Variants in GPHN observed in about 807,000 individuals in gnomAD.
GPHN encodes gephyrin.
GPHN carries 17 observed loss-of-function variants against 95.5 expected under a neutral mutation model. The ratio of observed to expected loss-of-function variants is 0.18; its 90% CI spans 0.12 to 0.27. The LOEUF (loss-of-function observed/expected upper bound fraction) is 0.27, where lower values mean the gene tolerates loss of function less well. Ranked by LOEUF, GPHN falls within the 10% of genes least tolerant of loss-of-function variation. The probability of loss-of-function intolerance (pLI) is 1.00; values close to 1 mark genes in which losing one functional copy is unlikely to be tolerated. For synonymous variants in GPHN, 320 were observed against 322.5 expected (o/e 0.99, Z 0.08); for missense variants, 660 against 978.1 (o/e 0.67, Z 4.34).
the GPHN span, among the ~76,000 whole-genome samples, chr14:67,342,231 A>C: frequency 6.6e-6 from 1 of 151,116 alleles, no homozygotes; most frequent in South Asian, 2.1e-4. Context: ...AATAAAAAAA[A>C]ACACAAAGAA....
At chr14:66,591,628 A>G (rs2061653422) in intron 1 of GPHN, among the ~76,000 whole-genome samples, 1 of 152,226 alleles carries the variant, frequency 6.6e-6, no homozygotes, top group African/African-American at 2.4e-5. Context: ...AAGTACAACT[A>G]CAAACCACTG....
At chr14:66,812,371 G>T (rs961618749) in intron 3 of GPHN, among the ~76,000 whole-genome samples, 3 of 152,176 alleles carry the variant, frequency 2.0e-5, no homozygotes, top group Non-Finnish European at 4.4e-5. Flanking sequence ...ATCACTCAGT[G>T]TCCAGCATAT....
At chr14:67,126,583 A>G (rs2079332465) in intron 17 of GPHN, among the ~76,000 whole-genome samples, 1 of 152,222 alleles carries the variant, frequency 6.6e-6, no homozygotes, top group South Asian at 2.1e-4. Context: ...AGGTAAATTG[A>G]GTAGAAATTT....
chr14:66,696,723 A>G (rs562503468), intron 2 of GPHN, among the ~76,000 whole-genome samples: 1 of 152,236 alleles, frequency 6.6e-6, no homozygotes, highest in Admixed American at 6.5e-5. Context: ...AAGTACCCCA[A>G]TTTGTGGTCC....
At chr14:67,679,410 T>G in the GPHN span, among the ~76,000 whole-genome samples, 1 of 151,782 alleles carries the variant, frequency 6.6e-6, no homozygotes, top group East Asian at 1.9e-4. Context: ...CCAAGTTTTT[T>G]TTTTTTTTTT....
At chr14:66,629,385 T>C (rs2063696534) in intron 1 of GPHN, among the ~76,000 whole-genome samples, 1 of 151,692 alleles carries the variant, frequency 6.6e-6, no homozygotes, top group African/African-American at 2.4e-5. Context: ...TCAGTATCAC[T>C]GTCTTCCACC....
Position 67,179,631 on chromosome 14 carries a change from A to G in GPHN, c.2133A>G (p.Leu711=), listed in dbSNP as rs764919711. 3 of 1,608,614 alleles carry G rather than the reference A, an allele frequency of 1.9e-6. No homozygotes were observed. The highest frequency in any genetic ancestry group is 1.7e-4 in the Middle Eastern group (1 of 6,054). The change falls in exon 22 of 23, where the codon CTA becomes CTG. Residue 711 remains leucine (L), a synonymous_variant. Coordinates refer to ENST00000478722, the MANE Select transcript of GPHN (RefSeq NM_020806.5). ...GTCCAGAATACCATCGGTGTATACT[A>G]ACTTGGCATCACCAAGAACCACTAC... is the stretch of plus-strand genomic sequence containing the variant. ...DPRPEYHRCI[L]TWHHQEPLPW... is the part of the protein sequence containing the mutation.
chr14:66,736,402 CTTT>C (rs33964494), intron 2 of GPHN, among the ~76,000 whole-genome samples: 1 of 128,888 alleles, frequency 7.8e-6, no homozygotes. Context: ...TTTTTTTTTT[CTTT>C]TTTTTTTTTT....
chr14:66,859,542 C>G (rs931740454), intron 4 of GPHN, among the ~76,000 whole-genome samples: 1 of 152,170 alleles, frequency 6.6e-6, no homozygotes, highest in African/African-American at 2.4e-5. Flanking sequence ...CTAATAAATA[C>G]CTAACTCTTC....
chr14:66,829,471 T>A (rs1021699904), intron 4 of GPHN, among the ~76,000 whole-genome samples: 4 of 152,130 alleles, frequency 2.6e-5, no homozygotes, highest in African/African-American at 9.7e-5. Flanking sequence ...GTTCCACAGA[T>A]TATGAAACTC....
the GPHN span, chr14:67,201,661 A>C: frequency 2.5e-6 from 1 of 392,254 alleles, no homozygotes; most frequent in Non-Finnish European, 5.1e-6. Flanking sequence ...TCAGGATTTA[A>C]TCCCTGAGCT....
At chr14:67,607,475 TC>T in the GPHN span, among the ~76,000 whole-genome samples, 737 of 152,282 alleles carry the variant, frequency 4.8e-3, 35 homozygotes, top group East Asian at 0.082. Flanking sequence ...CAAGAGATTC[TC>T]CTACCTCAGC....
At chr14:66,663,056 G>A (rs1347972352) in intron 1 of GPHN, among the ~76,000 whole-genome samples, 2 of 152,170 alleles carry the variant, frequency 1.3e-5, no homozygotes, top group Non-Finnish European at 2.9e-5. Context: ...ATATATTTCA[G>A]GATATCTTCC....
chr14:67,707,868 A>G, the GPHN span, among the ~76,000 whole-genome samples: 1 of 152,074 alleles, frequency 6.6e-6, no homozygotes, highest in Non-Finnish European at 1.5e-5. Context: ...CAGATCAGGA[A>G]CCCTGTACAG....
chr14:66,591,084 A>G (rs979565350), intron 1 of GPHN, among the ~76,000 whole-genome samples: 2 of 152,246 alleles, frequency 1.3e-5, no homozygotes, highest in Admixed American at 1.3e-4. Flanking sequence ...GATGCAGAAA[A>G]GGCCTCCGAT....
At chr14:67,575,805 G>C in the GPHN span, 7 of 1,604,518 alleles carry the variant, frequency 4.4e-6, no homozygotes, top group Non-Finnish European at 6.0e-6. Context: ...CCCATTCATG[G>C]AAGACTGCTG....
intron 13 of GPHN, among the ~76,000 whole-genome samples, chr14:67,101,428 C>T (rs1287128971): frequency 6.6e-6 from 1 of 151,666 alleles, no homozygotes; most frequent in Non-Finnish European, 1.5e-5. Flanking sequence ...ACTTTGAGAC[C>T]AGTAATTGGC....
chr14:66,549,893 A>G (rs2059750681), intron 1 of GPHN, among the ~76,000 whole-genome samples: 1 of 152,224 alleles, frequency 6.6e-6, no homozygotes, highest in African/African-American at 2.4e-5. Flanking sequence ...ATGATGGCAC[A>G]TTTGTTTACG....
chr14:67,685,283 T>C, the GPHN span: 6 of 1,189,540 alleles, frequency 5.0e-6, no homozygotes, highest in Non-Finnish European at 7.2e-6. Context: ...AGGATGTAAA[T>C]AAGCATGTGA....
Sources: allele counts gnomAD v4.1 joint callset (sites outside exome capture counted in the v4.1 genomes callset), GRCh38; gene constraint gnomAD v4.1.1; transcripts MANE v1.5; gene names NCBI Gene and HGNC (gene_info 2026-07-23, HGNC 2026-07-21).